CHCHD4: variants seen among roughly 807,000 people sequenced by gnomAD.
CHCHD4 encodes the protein coiled-coil-helix-coiled-coil-helix domain containing 4, also known as mitochondrial intermembrane space import and assembly protein 40.
Under a neutral mutation model 12.4 loss-of-function variants are expected in CHCHD4, and 7 were observed. That is an observed-to-expected ratio of 0.57 (90% CI 0.32 to 1.06). The LOEUF (loss-of-function observed/expected upper bound fraction) is 1.06. Ranked by LOEUF, CHCHD4 falls within the 50% of genes least tolerant of loss-of-function variation. The pLI is 0.04. For missense variants in CHCHD4, 143 were observed against 175.1 expected (o/e 0.82, Z 1.03); for synonymous variants, 56 against 58.0 (o/e 0.97, Z 0.16).
chr3:14,115,996 G>A (rs1478357987), intron 2 of CHCHD4, among the ~76,000 whole-genome samples: 1 of 152,040 alleles, frequency 6.6e-6, no homozygotes, highest in Admixed American at 6.5e-5. Context: ...GCTGTCTGTG[G>A]CAAGTGACCT....
intron 1 of CHCHD4, among the ~76,000 whole-genome samples, chr3:14,118,843 G>A (rs1694903781): frequency 6.6e-6 from 1 of 152,196 alleles, no homozygotes; most frequent in Non-Finnish European, 1.5e-5. Context: ...TGCAAATTTC[G>A]CAACTCAGCT....
Sources: gnomAD v4.1 joint callset for allele counts (sites outside exome capture counted in the v4.1 genomes callset) on GRCh38, gnomAD v4.1.1 for gene constraint, MANE v1.5 for transcripts, NCBI Gene and HGNC (gene_info 2026-07-23, HGNC 2026-07-21) for gene names.